The following SUGCT variants were observed in gnomAD, a reference collection of about 807,000 sequenced individuals.
The protein encoded by SUGCT is succinyl-CoA:glutarate CoA-transferase.
A neutral mutation model predicts 55.0 loss-of-function variants in SUGCT; 41 were observed. The ratio of observed to expected loss-of-function variants is 0.74; its 90% CI spans 0.58 to 0.97. The LOEUF is 0.97. SUGCT is among the 50% of genes least tolerant of loss of function. The pLI is 0.00. For synonymous variants in SUGCT, 187 were observed against 200.4 expected (o/e 0.93, Z 0.56); for missense variants, 568 against 547.8 (o/e 1.04, Z -0.37).
intron 7 of SUGCT, among the ~76,000 whole-genome samples, chr7:40,259,461 G>A (rs930772782): frequency 3.9e-5 from 6 of 152,102 alleles, no homozygotes; most frequent in African/African-American, 9.7e-5. Context: ...TTTTTTAAGC[G>A]TTATCATAAT....
At chr7:40,900,617 T>C in the SUGCT span, among the ~76,000 whole-genome samples, 2 of 152,164 alleles carry the variant, frequency 1.3e-5, no homozygotes, top group East Asian at 3.9e-4. Context: ...GGAGTGTCAA[T>C]AGCTAGTGAG....
the SUGCT span, among the ~76,000 whole-genome samples, chr7:40,897,743 C>G: frequency 2.0e-5 from 3 of 152,140 alleles, no homozygotes; most frequent in Admixed American, 1.3e-4. Flanking sequence ...TGAGTGGGGA[C>G]TTGGAGAACC....
At chr7:40,167,758 C>G (rs1408758443) in intron 1 of SUGCT, among the ~76,000 whole-genome samples, 1 of 152,184 alleles carries the variant, frequency 6.6e-6, no homozygotes, top group African/African-American at 2.4e-5. Context: ...CTCACTGGAT[C>G]AGAAACACAG....
At chr7:40,156,600 C>T (rs180989680) in intron 1 of SUGCT, among the ~76,000 whole-genome samples, 2 of 152,264 alleles carry the variant, frequency 1.3e-5, no homozygotes, top group Admixed American at 1.3e-4. Flanking sequence ...TTTAACTACC[C>T]TCCTACCCCT....
chr7:40,485,655 G>T (rs1032535168), intron 11 of SUGCT, among the ~76,000 whole-genome samples: 11 of 151,894 alleles, frequency 7.2e-5, no homozygotes, highest in Non-Finnish European at 1.3e-4. Context: ...AAGCTCAAGG[G>T]ATCCTCTTGC....
At chr7:40,284,273 G>C (rs1376917306) in intron 8 of SUGCT, among the ~76,000 whole-genome samples, 2 of 152,040 alleles carry the variant, frequency 1.3e-5, no homozygotes, top group East Asian at 3.9e-4. Context: ...TTTCGTAAGA[G>C]ATTAGATCTT....
At chr7:40,463,502 G>A (rs866369274) in intron 11 of SUGCT, among the ~76,000 whole-genome samples, 1 of 152,052 alleles carries the variant, frequency 6.6e-6, no homozygotes, top group Admixed American at 6.6e-5. Context: ...TTAGAATCAG[G>A]TGATTCTCCT....
At chr7:40,824,277 G>A (rs1326586727) in intron 13 of SUGCT, among the ~76,000 whole-genome samples, 1 of 151,970 alleles carries the variant, frequency 6.6e-6, no homozygotes, top group African/African-American at 2.4e-5. Flanking sequence ...GCTGATGGAT[G>A]TTCTTAAAAT....
intron 13 of SUGCT, among the ~76,000 whole-genome samples, chr7:40,858,709 G>C (rs919870148): frequency 8.5e-5 from 13 of 152,162 alleles, no homozygotes; most frequent in Non-Finnish European, 1.8e-4. Context: ...GTCTGCTATA[G>C]TTGATTTCTC....
chr7:40,249,740 T>C (rs1017502331), intron 7 of SUGCT, among the ~76,000 whole-genome samples: 1 of 152,098 alleles, frequency 6.6e-6, no homozygotes, highest in Non-Finnish European at 1.5e-5. Flanking sequence ...TCAGAGTTAA[T>C]GGTGGAATAA....
chr7:41,030,093 AC>A, the SUGCT span, among the ~76,000 whole-genome samples: 297 of 152,224 alleles, frequency 2.0e-3, 1 homozygote, highest in African/African-American at 6.8e-3. Flanking sequence ...CTGATAACTC[AC>A]TTGTTTTATT....
intron 9 of SUGCT, among the ~76,000 whole-genome samples, chr7:40,408,917 G>T (rs1187446720): frequency 6.6e-6 from 1 of 152,064 alleles, no homozygotes; most frequent in Non-Finnish European, 1.5e-5. Context: ...CATGGTTTTG[G>T]CCTTTATTTT....
intron 13 of SUGCT, among the ~76,000 whole-genome samples, chr7:40,843,376 G>A (rs1019258266): frequency 1.3e-5 from 2 of 152,052 alleles, no homozygotes; most frequent in Non-Finnish European, 2.9e-5. Flanking sequence ...TGGGCATGGT[G>A]GCGCATGCCT....
At chr7:40,167,878 C>T (rs1253776012) in intron 1 of SUGCT, among the ~76,000 whole-genome samples, 3 of 152,114 alleles carry the variant, frequency 2.0e-5, no homozygotes, top group East Asian at 1.9e-4. Context: ...ATAAAAATCA[C>T]GGACCAGAAG....
chr7:40,188,493 A>C lies in SUGCT; in HGVS notation c.227-2A>C. 1 of 1,571,382 alleles carries C rather than the reference A, an allele frequency of 6.4e-7. No individual in the cohort carries two copies. Among genetic ancestry groups the C allele is most frequent in the East Asian group, 2.3e-5 (1 of 44,230 alleles). ...ATTAATAGCTCATGTTATTATTTTC[A>C]GGAGCTGGTGATGATACACGAACTT... On this transcript the variant is annotated splice_acceptor_variant, in intron 3 of 13. Coordinates refer to ENST00000335693, the MANE Select transcript of SUGCT (RefSeq NM_001193313.2). LOFTEE classifies it high-confidence loss of function.
At chr7:40,839,168 G>C (rs1793149053) in intron 13 of SUGCT, among the ~76,000 whole-genome samples, 1 of 152,100 alleles carries the variant, frequency 6.6e-6, no homozygotes, top group South Asian at 2.1e-4. Context: ...GCCATATTGA[G>C]ATTTTTAGAC....
chr7:40,576,489 G>T (rs1176321721), intron 12 of SUGCT, among the ~76,000 whole-genome samples: 1 of 152,192 alleles, frequency 6.6e-6, no homozygotes, highest in East Asian at 1.9e-4. Flanking sequence ...GGGAACATGT[G>T]AGTCAGGGAA....
intron 13 of SUGCT, among the ~76,000 whole-genome samples, chr7:40,803,193 CTCTTG>C (rs1362155384): frequency 6.6e-6 from 1 of 152,062 alleles, no homozygotes; most frequent in Non-Finnish European, 1.5e-5. Flanking sequence ...TAAATTTTCC[CTCTTG>C]TCTTATGCAA....
chr7:40,729,645 AG>A (rs1786794105), intron 12 of SUGCT, among the ~76,000 whole-genome samples: 1 of 152,150 alleles, frequency 6.6e-6, no homozygotes, highest in Non-Finnish European at 1.5e-5. Flanking sequence ...TGGGAATCTG[AG>A]GGCCTTTGGT....
Sources: allele counts gnomAD v4.1 joint callset (sites outside exome capture counted in the v4.1 genomes callset), GRCh38; gene constraint gnomAD v4.1.1; transcripts MANE v1.5; gene names NCBI Gene and HGNC (gene_info 2026-07-23, HGNC 2026-07-21).